Variants in MYT1L observed in about 807,000 individuals in gnomAD.
MYT1L encodes myelin transcription factor 1-like protein.
MYT1L carries 12 observed loss-of-function variants against 126.7 expected under a neutral mutation model. That is an observed-to-expected ratio of 0.09 (90% CI 0.06 to 0.15). The LOEUF (loss-of-function observed/expected upper bound fraction) is 0.15, where lower values mean the gene tolerates loss of function less well. Ranked by LOEUF, MYT1L falls within the 10% of genes least tolerant of loss-of-function variation. The probability of loss-of-function intolerance (pLI) is 1.00; values close to 1 mark genes in which losing one functional copy is unlikely to be tolerated. For missense variants in MYT1L, 979 were observed against 1,585.2 expected (o/e 0.62, Z 6.49); for synonymous variants, 541 against 604.2 (o/e 0.90, Z 1.53).
intron 8 of MYT1L, among the ~76,000 whole-genome samples, chr2:1,967,148 C>T (rs575182104): frequency 2.0e-5 from 3 of 152,304 alleles, no homozygotes; most frequent in South Asian, 4.1e-4. Context: ...CGCTTTAATC[C>T]TCAGCAGCCT....
intron 4 of MYT1L, among the ~76,000 whole-genome samples, chr2:2,050,914 T>A (rs1291337439): frequency 6.6e-6 from 1 of 152,172 alleles, no homozygotes; most frequent in East Asian, 1.9e-4. Flanking sequence ...CAACAGCTAC[T>A]AAAATTGAAT....
chr2:2,195,173 G>A (rs1269227594), intron 2 of MYT1L, among the ~76,000 whole-genome samples: 2 of 152,208 alleles, frequency 1.3e-5, no homozygotes, highest in Non-Finnish European at 2.9e-5. Context: ...CCTGCTTACA[G>A]CATTTATTGA....
intron 21 of MYT1L, among the ~76,000 whole-genome samples, chr2:1,818,638 C>A (rs2148112964): frequency 1.3e-5 from 2 of 152,232 alleles, no homozygotes; most frequent in Middle Eastern, 3.4e-3. Context: ...CCCCGGTCGC[C>A]ACGAGAGCAG....
chr2:1,979,073 G>A lies in MYT1L; in HGVS notation c.152+92C>T. ...AGGCATAATGTGTATTGCTTTCCAA[G>A]AACACCTGCTCACACAGTTCATCAT... On this transcript the variant is annotated intron_variant, in intron 8 of 24. Transcript: ENST00000647738. This position sits in a 1 kb window ranked among gnomAD's most constrained non-coding sequence, Gnocchi z 4.0. The A allele has an allele frequency of 9.8e-7, 1 of 1,017,036 alleles. No homozygotes were observed. 63.0% of individuals were successfully genotyped at this position (1,017,036 alleles called of 1,614,324 possible). A position where few individuals can be genotyped will look rare whatever the true frequency, so the allele number is the denominator to read the frequency against.
At chr2:2,071,147 T>C (rs2074548350) in intron 3 of MYT1L, among the ~76,000 whole-genome samples, 2 of 152,158 alleles carry the variant, frequency 1.3e-5, no homozygotes, top group Non-Finnish European at 2.9e-5. Flanking sequence ...AATGTTAATA[T>C]GTAATAAAGC....
chr2:2,101,204 T>G (rs2150476957), intron 3 of MYT1L, among the ~76,000 whole-genome samples: 1 of 152,282 alleles, frequency 6.6e-6, no homozygotes, highest in Middle Eastern at 3.4e-3. Flanking sequence ...ATATTTTTTT[T>G]TAAATGCCTA....
chr2:2,013,871 C>CG (rs2064090432), intron 4 of MYT1L, among the ~76,000 whole-genome samples: 1 of 152,224 alleles, frequency 6.6e-6, no homozygotes, highest in Non-Finnish European at 1.5e-5. Context: ...CGTCCGCACC[C>CG]GGGCAGTTTG....
At chr2:2,137,057 A>G (rs1331761690) in intron 3 of MYT1L, among the ~76,000 whole-genome samples, 2 of 152,278 alleles carry the variant, frequency 1.3e-5, no homozygotes, top group South Asian at 2.1e-4. Flanking sequence ...AGACAAACAG[A>G]GAGCCAAATC....
At chr2:2,007,585 G>C (rs574915873) in intron 4 of MYT1L, among the ~76,000 whole-genome samples, 1 of 152,270 alleles carries the variant, frequency 6.6e-6, no homozygotes, top group Admixed American at 6.5e-5. Flanking sequence ...ATCTGCTTCG[G>C]AACAAAGGGA....
Position 1,989,400 on chromosome 2 carries a change from C to T in MYT1L, c.-1+7791G>A, listed in dbSNP as rs371421730. On this transcript the variant is annotated intron_variant, in intron 5 of 24. Transcript: ENST00000647738. ...GAAACCCAGCCCAGGAGCTGCAGCC[C>T]GGCAATCCCAGGACAGAAGCGAGAG... Among the ~76,000 whole-genome samples the T allele has an allele frequency of 3.0e-3, 450 of 152,204 alleles. 16 individuals are homozygous for T. In the South Asian group the frequency reaches 0.074, roughly 25 times the overall value.
intron 5 of MYT1L, among the ~76,000 whole-genome samples, chr2:1,996,668 G>A (rs1442120593): frequency 3.1e-5 from 4 of 128,256 alleles, no homozygotes; most frequent in Non-Finnish European, 4.8e-5. Flanking sequence ...GGGCCACCCT[G>A]CTTCAGTGTG....
chr2:2,227,565 A>G (rs971533872), intron 2 of MYT1L, among the ~76,000 whole-genome samples: 1 of 152,160 alleles, frequency 6.6e-6, no homozygotes, highest in Non-Finnish European at 1.5e-5. Flanking sequence ...CCAGCCCTGC[A>G]CTGCTCCTGT....
At chr2:2,106,550 G>A (rs1379796784) in intron 3 of MYT1L, among the ~76,000 whole-genome samples, 4 of 152,030 alleles carry the variant, frequency 2.6e-5, no homozygotes, top group African/African-American at 4.8e-5. Flanking sequence ...CCTGGGAGGC[G>A]GAGGTTGCAG....
intron 1 of MYT1L, among the ~76,000 whole-genome samples, chr2:2,320,273 G>T (rs995363695): frequency 6.6e-6 from 1 of 151,934 alleles, no homozygotes; most frequent in Admixed American, 6.6e-5. Flanking sequence ...CTTGGTGTTG[G>T]CAGTGTGTCA....
In MYT1L at chr2:1,889,917, C is replaced by T. The variant is rs557310469; in HGVS notation, c.2284-440G>A. Among the ~76,000 whole-genome samples the T allele has an allele frequency of 1.6e-3, 246 of 152,114 alleles. 1 individual carries two copies. The highest frequency in any genetic ancestry group is 5.7e-3 in the African/African-American group (236 of 41,482). On this transcript the variant is annotated intron_variant, in intron 15 of 24. Transcript: ENST00000647738. This position sits in a 1 kb window ranked among gnomAD's most constrained non-coding sequence, Gnocchi z 4.1. ...GCATGTGTGCATATACATGTATGTGCATGTGTGTGTGTGTATAAACACACA... is the reference window on the plus strand; with the variant it reads ...GCATGTGTGCATATACATGTATGTGTATGTGTGTGTGTGTATAAACACACA...
At chr2:2,051,167 C>T (rs2068783430) in intron 4 of MYT1L, among the ~76,000 whole-genome samples, 1 of 152,142 alleles carries the variant, frequency 6.6e-6, no homozygotes, top group East Asian at 1.9e-4. Context: ...AAACCTAAGC[C>T]ATGGGGAGCT....
intron 18 of MYT1L, among the ~76,000 whole-genome samples, chr2:1,869,331 C>T (rs980892672): frequency 7.2e-5 from 11 of 152,384 alleles, no homozygotes; most frequent in Admixed American, 3.9e-4. Context: ...GGGACGATGG[C>T]GCAGCCGGTT....
intron 1 of MYT1L, among the ~76,000 whole-genome samples, chr2:2,310,969 T>G (rs768039908): frequency 1.3e-5 from 2 of 152,120 alleles, no homozygotes; most frequent in South Asian, 2.1e-4. Context: ...AACAAACAAA[T>G]AGAAAAATGA....
chr2:2,289,565 C>T (rs1162802899), intron 1 of MYT1L, among the ~76,000 whole-genome samples: 1 of 152,120 alleles, frequency 6.6e-6, no homozygotes. Context: ...ACCTGCAAAT[C>T]GCTGTGTTCA....
Sources: gnomAD v4.1 joint callset for allele counts (sites outside exome capture counted in the v4.1 genomes callset) on GRCh38, gnomAD v4.1.1 for gene constraint, Gnocchi (gnomAD v3.1) non-coding constraint, MANE v1.5 for transcripts, NCBI Gene and HGNC (gene_info 2026-07-23, HGNC 2026-07-21) for gene names.